The following TAF15 variants were observed in gnomAD, a reference collection of about 807,000 sequenced individuals.
The protein encoded by TAF15 is TATA-binding protein-associated factor 2N.
TAF15 carries 37 observed loss-of-function variants against 102.5 expected under a neutral mutation model. The ratio of observed to expected loss-of-function variants is 0.36; its 90% confidence interval spans 0.28 to 0.47. The LOEUF is 0.47. Ranked by LOEUF, TAF15 falls within the 20% of genes least tolerant of loss-of-function variation. TAF15 has a pLI of 0.99. For synonymous variants in TAF15, 273 were observed against 259.2 expected (o/e 1.05, Z -0.51); for missense variants, 652 against 760.7 (o/e 0.86, Z 1.68).
intron 15 of TAF15, among the ~76,000 whole-genome samples, chr17:35,846,496 C>T (rs1475572405): frequency 6.6e-6 from 1 of 152,142 alleles, no homozygotes; most frequent in African/African-American, 2.4e-5. Flanking sequence ...AGGTATACTT[C>T]CCATTTTACA....
intron 8 of TAF15, 113 bp from the exon 9 acceptor site, chr17:35,834,453 T>C (rs2087445850): frequency 3.3e-6 from 3 of 906,744 alleles, no homozygotes; most frequent in Admixed American, 4.3e-5. Flanking sequence ...TGGTTGACTT[T>C]CAAGGATTTT....
intron 7 of TAF15, chr17:35,830,058 T>TG (rs2087383394): frequency 6.6e-6 from 1 of 152,020 alleles, no homozygotes; most frequent in African/African-American, 2.4e-5. Flanking sequence ...GAGAATCGCT[T>TG]GAACCCGGGA....
At chr17:35,812,728 A>G (rs1389582978) in intron 1 of TAF15, among the ~76,000 whole-genome samples, 2 of 152,158 alleles carry the variant, frequency 1.3e-5, no homozygotes, top group Non-Finnish European at 2.9e-5. Context: ...ATTTCACTGA[A>G]ATGAGAGTCA....
intron 7 of TAF15, among the ~76,000 whole-genome samples, chr17:35,824,440 G>A (rs1464499357): frequency 3.3e-5 from 5 of 152,176 alleles, no homozygotes; most frequent in African/African-American, 9.7e-5. Flanking sequence ...AACACCAGTA[G>A]AGAAACAACT....
rs1054084847 is a variant in TAF15, at chr17:35,843,931, A to G, written c.1007-146A>G. On this transcript the variant is annotated intron_variant, in intron 12 of 15. Coordinates refer to ENST00000605844, the MANE Select transcript of TAF15 (RefSeq NM_139215.3). ...TTACTAAGTACAAGACCCAAATCAA[A>G]GAATTACAAAGTCCTGGTATAAGGG... 4.7e-5 allele frequency: 37 copies of G among 795,660 alleles called. 1 individual carries two copies. Among genetic ancestry groups the G allele is most frequent in the African/African-American group, 4.2e-4 (25 of 59,054 alleles). 49.3% of individuals were successfully genotyped at this position (795,660 alleles called of 1,614,324 possible).
intron 9 of TAF15, 131 bp from the exon 10 acceptor site, chr17:35,836,001 C>A: frequency 3.0e-6 from 2 of 662,994 alleles, no homozygotes. Context: ...TAAGGTTGTT[C>A]TTATATTGGT....
chr17:35,845,218 T>C (rs952739356), intron 15 of TAF15, among the ~76,000 whole-genome samples, 180 bp downstream of exon 15: 2 of 152,186 alleles, frequency 1.3e-5, no homozygotes, highest in Non-Finnish European at 1.5e-5. Flanking sequence ...GAACTTTTTA[T>C]TTTTTAACTT....
intron 1 of TAF15, among the ~76,000 whole-genome samples, chr17:35,813,904 T>G (rs1481432823): frequency 6.6e-6 from 1 of 152,134 alleles, no homozygotes; most frequent in African/African-American, 2.4e-5. Flanking sequence ...TAATTAAATA[T>G]TTGAAGAAGC....
intron 2 of TAF15, 92 bp downstream of exon 2, chr17:35,817,847 A>G (rs1001986542): frequency 7.4e-6 from 8 of 1,077,320 alleles, no homozygotes; most frequent in East Asian, 2.4e-5. Flanking sequence ...GCTGGATGTC[A>G]TAAGTTAAAT....
At chr17:35,811,922 A>G (rs2087129006) in intron 1 of TAF15, among the ~76,000 whole-genome samples, 1 of 152,244 alleles carries the variant, frequency 6.6e-6, no homozygotes. Flanking sequence ...AAGAAAGGAC[A>G]AACCCCCAGT....
intron 7 of TAF15, 105 bp downstream of exon 7, chr17:35,824,303 G>A: frequency 6.8e-7 from 1 of 1,467,010 alleles, no homozygotes; most frequent in Non-Finnish European, 9.2e-7. Flanking sequence ...TTAGTTAAGA[G>A]ACTTTAAAAA....
At chr17:35,818,222 A>G (rs926549287) in intron 2 of TAF15, among the ~76,000 whole-genome samples, 1 of 151,948 alleles carries the variant, frequency 6.6e-6, no homozygotes, top group African/African-American at 2.4e-5. Flanking sequence ...CAGCCTCCCG[A>G]GTAGCTGAGA....
At chr17:35,833,577 TACTC>T (rs2087433347) in intron 7 of TAF15, 1 of 216,488 alleles carries the variant, frequency 4.6e-6, no homozygotes. Context: ...AAAAAATACT[TACTC>T]TAGTTTAGTA....
At position 35,820,145 on chromosome 17, in the gene TAF15, G is replaced by A; in HGVS notation, c.100-19G>A. 2 of 1,613,918 alleles carry A rather than the reference G, an allele frequency of 1.2e-6. No individual in the cohort carries two copies. Among genetic ancestry groups the A allele is most frequent in the Non-Finnish European group, 1.7e-6 (2 of 1,179,810 alleles). On this transcript the variant is annotated intron_variant, in intron 3 of 15. Transcript: ENST00000605844. ...ATCTTAAGTAGGTGATGAAACTTGA[G>A]TATTTACCTAAATTTCAGAGCTATT...
At chr17:35,818,127 G>A (rs4251727) in intron 2 of TAF15, among the ~76,000 whole-genome samples, 16,207 of 151,302 alleles carry the variant, frequency 0.11, 971 homozygotes, top group East Asian at 0.21. Context: ...ACTGAGTCTC[G>A]CTCTTTCGCC....
chr17:35,810,577 A>G (rs1036523082), intron 1 of TAF15: 6 of 152,204 alleles, frequency 3.9e-5, no homozygotes, highest in East Asian at 1.9e-4. Flanking sequence ...AGAAACCATC[A>G]TGAGAGTTAG....
rs142508617 is a variant in TAF15 at position 35,831,750 on chromosome 17, G to A, written c.606-2157G>A. Reference sequence around the variant, plus strand: ...AACTTTAACCTACTGGCATAAGAACGTGGGCTTAAGTTCTTTTTTATCACT... The same window carrying A: ...AACTTTAACCTACTGGCATAAGAACATGGGCTTAAGTTCTTTTTTATCACT... On this transcript the variant is annotated intron_variant, in intron 7 of 15. Coordinates refer to ENST00000605844, the MANE Select transcript of TAF15 (RefSeq NM_139215.3). Among the ~76,000 whole-genome samples, 446 of 152,180 alleles carry A rather than the reference G, an allele frequency of 2.9e-3. 6 individuals carry two copies. The highest frequency in any genetic ancestry group is 9.5e-3 in the African/African-American group (395 of 41,520).
chr17:35,818,734 C>G (rs1476069397), intron 2 of TAF15: 1 of 151,632 alleles, frequency 6.6e-6, no homozygotes, highest in East Asian at 1.9e-4. Flanking sequence ...TCACTTGAGC[C>G]CAAGAGTTCA....
chr17:35,834,609 T>C lies in TAF15; in HGVS notation c.673+11T>C. The C allele has an allele frequency of 6.2e-7, 1 of 1,613,602 alleles. No homozygotes were observed. Among genetic ancestry groups the C allele is most frequent in the Non-Finnish European group, 8.5e-7 (1 of 1,179,784 alleles). ...CCAGAACAGATGCTGGTAAGGTTTA[T>C]GGTGGTTTGTCACTTTGCCATTAAG... is the stretch of plus-strand genomic sequence containing the variant. On this transcript the variant is annotated intron_variant, in intron 9 of 15. Transcript: ENST00000605844.
Sources: gnomAD v4.1 joint callset for allele counts (sites outside exome capture counted in the v4.1 genomes callset) on GRCh38, gnomAD v4.1.1 for gene constraint, MANE v1.5 for transcripts, NCBI Gene and HGNC (gene_info 2026-07-23, HGNC 2026-07-21) for gene names.